The following PI4KB variants were observed in gnomAD, a reference collection of about 807,000 sequenced individuals.
PI4KB encodes the protein PtdIns 4-kinase beta.
A neutral mutation model predicts 81.4 loss-of-function variants in PI4KB; 23 were observed. The ratio of observed to expected loss-of-function variants is 0.28; its 90% CI spans 0.20 to 0.40. The LOEUF is 0.40. PI4KB is among the 10% of genes least tolerant of loss of function. The pLI, the probability that PI4KB is intolerant of heterozygous loss-of-function variation, is 1.00. For missense variants in PI4KB, 651 were observed against 1,036.6 expected (o/e 0.63, Z 5.11); for synonymous variants, 381 against 406.8 (o/e 0.94, Z 0.76).
chr1:151,299,506 A>C (rs1456726314), intron 8 of PI4KB, among the ~76,000 whole-genome samples: 4 of 152,110 alleles, frequency 2.6e-5, no homozygotes, highest in African/African-American at 7.2e-5. Flanking sequence ...ACCTCAGTAG[A>C]GAGTGAAACC....
At chr1:151,293,526 T>C in intron 11 of PI4KB, 2 of 772,050 alleles carry the variant, frequency 2.6e-6, no homozygotes, top group Non-Finnish European at 3.6e-6. Flanking sequence ...GGTATACACC[T>C]GGAGCCTTGA....
intron 11 of PI4KB, chr1:151,293,483 TG>T: frequency 9.5e-7 from 1 of 1,053,164 alleles, no homozygotes; most frequent in Non-Finnish European, 1.2e-6. Flanking sequence ...GGGGCAGGAA[TG>T]GGGAGGAGGG....
At chr1:151,311,667 C>T (rs1404316222) in intron 2 of PI4KB, among the ~76,000 whole-genome samples, 1 of 152,218 alleles carries the variant, frequency 6.6e-6, no homozygotes, top group Non-Finnish European at 1.5e-5. Context: ...CCAGCTGATT[C>T]TGTCACAGAC....
intron 9 of PI4KB, 169 bp downstream of exon 9, chr1:151,298,639 C>G: frequency 1.3e-6 from 1 of 753,220 alleles, no homozygotes; most frequent in Non-Finnish European, 2.2e-6. Context: ...TCTTATTAGT[C>G]TGCCTCCTGA....
chr1:151,327,138 G>T (rs1260168334), intron 1 of PI4KB, 133 bp downstream of exon 1: 1 of 394,054 alleles, frequency 2.5e-6, no homozygotes, highest in African/African-American at 2.1e-5. Context: ...AGGAACCCGG[G>T]GTGCAGCTGA....
chr1:151,295,711 A>C (rs1279849068), intron 9 of PI4KB, among the ~76,000 whole-genome samples: 1 of 151,930 alleles, frequency 6.6e-6, no homozygotes, highest in Non-Finnish European at 1.5e-5. Context: ...TTCTTTTTTG[A>C]GGTACTATGA....
chr1:151,299,594 G>A (rs1421835389), intron 8 of PI4KB, among the ~76,000 whole-genome samples: 1 of 152,082 alleles, frequency 6.6e-6, no homozygotes. Context: ...GGAGGCTAAG[G>A]CAGGAGAATC....
In PI4KB at chr1:151,301,934, G is replaced by A. The variant is rs758285541; in HGVS notation, c.1659C>T (p.Leu553=). The stretch of plus-strand genomic sequence containing the variant: ...TGACTGACAGGAGCCGCCAATTGGG[G>A]AGATGGCCGTAGGGGGAGCCCTCTC... ...RIREGSPYGH[L]PNWRLLSVIV... The change falls in exon 8 of 12, where the codon CTC becomes CTT. Residue 553 remains leucine, a synonymous_variant. Transcript: ENST00000368873. The A allele has an allele frequency of 1.1e-5, 17 of 1,613,830 alleles. No individual in the cohort carries two copies. The highest frequency in any genetic ancestry group is 1.4e-5 in the Non-Finnish European group (17 of 1,180,022).
intron 8 of PI4KB, 43 bp downstream of exon 8, chr1:151,301,801 G>A: frequency 2.0e-5 from 32 of 1,598,338 alleles, no homozygotes; most frequent in Non-Finnish European, 2.7e-5. Context: ...CAGAGTGCTG[G>A]GATTACAGCC....
intron 5 of PI4KB, among the ~76,000 whole-genome samples, chr1:151,304,580 G>A (rs1172441341): frequency 6.6e-6 from 1 of 151,920 alleles, no homozygotes; most frequent in African/African-American, 2.4e-5. Flanking sequence ...CCTGACCTCA[G>A]GTGATCTGCC....
Position 151,306,145 on chromosome 1 carries a change from C to T in PI4KB, c.1401G>A (p.Leu467=). The change falls in exon 5 of 12, where the codon CTG becomes CTA. Residue 467 remains leucine (L), a synonymous_variant. Transcript: ENST00000368873. The part of the protein sequence containing the change: ...EAWSVDDIGE[L]QVELPEVHTN... ...CCTGAAGCCCTCTCACCTCCACTTG[C>T]AGCTCGCCTATGTCATCCACCGACC... 1.9e-6 allele frequency: 3 copies of T among 1,613,564 alleles called. No homozygotes were observed. The highest frequency in any genetic ancestry group is 1.3e-5 in the African/African-American group (1 of 75,038).
intron 1 of PI4KB, among the ~76,000 whole-genome samples, chr1:151,318,642 G>T (rs1229994627): frequency 6.6e-6 from 1 of 152,066 alleles, no homozygotes; most frequent in Non-Finnish European, 1.5e-5. Context: ...AACCCGGGAG[G>T]CAGAGGTTGT....
At chr1:151,293,110 T>C in intron 11 of PI4KB, 77 bp from the exon 12 acceptor site, 1 of 1,561,598 alleles carries the variant, frequency 6.4e-7, no homozygotes, top group South Asian at 1.2e-5. Context: ...AATACAGAGC[T>C]GGGGCATCTG....
chr1:151,326,289 C>A, intron 1 of PI4KB: 1 of 1,094,734 alleles, frequency 9.1e-7, no homozygotes, highest in Non-Finnish European at 1.3e-6. Flanking sequence ...TTCAGAAACA[C>A]CCTTCTGTCC....
chr1:151,300,801 C>T (rs989998144), intron 8 of PI4KB: 3 of 152,264 alleles, frequency 2.0e-5, no homozygotes, highest in African/African-American at 7.2e-5. Context: ...CTTAGGCAAC[C>T]TGATGGTCCC....
At chr1:151,326,181 C>A in intron 1 of PI4KB, 2 of 1,612,972 alleles carry the variant, frequency 1.2e-6, no homozygotes, top group Non-Finnish European at 8.5e-7. Flanking sequence ...CAATCTCATT[C>A]AATTTCCACG....
intron 4 of PI4KB, among the ~76,000 whole-genome samples, chr1:151,307,106 C>T (rs929836923): frequency 6.6e-6 from 1 of 152,110 alleles, no homozygotes; most frequent in African/African-American, 2.4e-5. Flanking sequence ...ACCATGAATA[C>T]TCATTCCAGT....
intron 2 of PI4KB, among the ~76,000 whole-genome samples, chr1:151,310,611 CTCTT>C (rs1696142417): frequency 6.6e-6 from 1 of 152,128 alleles, no homozygotes; most frequent in Non-Finnish European, 1.5e-5. Flanking sequence ...AGCTTCCCTG[CTCTT>C]TTTTTTTACC....
At chr1:151,297,299 C>T (rs890433945) in intron 9 of PI4KB, among the ~76,000 whole-genome samples, 14 of 150,860 alleles carry the variant, frequency 9.3e-5, no homozygotes, top group Non-Finnish European at 5.9e-5. Flanking sequence ...AGGCTAGTCT[C>T]GAACTCCTGG....
Sources: allele counts gnomAD v4.1 joint callset (sites outside exome capture counted in the v4.1 genomes callset), GRCh38; gene constraint gnomAD v4.1.1; transcripts MANE v1.5; gene names NCBI Gene and HGNC (gene_info 2026-07-23, HGNC 2026-07-21).